The following CIMIP2C variants were observed in gnomAD, a reference collection of about 807,000 sequenced individuals.
CIMIP2C encodes UPF0573 protein C2orf70.
the CIMIP2C span, chr2:26,576,160 T>G: frequency 6.2e-7 from 1 of 1,613,578 alleles, no homozygotes; most frequent in South Asian, 1.1e-5. Flanking sequence ...CCACAGAGCT[T>G]ACGAATTTCT....
the CIMIP2C span, chr2:26,578,949 T>G: frequency 2.9e-5 from 14 of 484,826 alleles, no homozygotes; most frequent in African/African-American, 2.7e-4. Flanking sequence ...GTTTACTCCT[T>G]GTCCAGAGCT....
chr2:26,576,125 C>T, the CIMIP2C span: 15 of 1,614,056 alleles, frequency 9.3e-6, no homozygotes, highest in Admixed American at 8.3e-5. Flanking sequence ...CAGCTACACT[C>T]GCTTCAACCT....
chr2:26,563,306 G>A, the CIMIP2C span, among the ~76,000 whole-genome samples: 4 of 152,224 alleles, frequency 2.6e-5, no homozygotes, highest in Non-Finnish European at 2.9e-5. Context: ...TGCCCTGAGC[G>A]CTGGCTTGCT....
the CIMIP2C span, among the ~76,000 whole-genome samples, chr2:26,565,029 T>TCTTCTTCTTCTC: frequency 2.0e-5 from 3 of 150,752 alleles, no homozygotes; most frequent in African/African-American, 7.4e-5. Flanking sequence ...TTCTTCTTCT[T>TCTTCTTCTTCTC]CTTCTCCTTC....
the CIMIP2C span, among the ~76,000 whole-genome samples, chr2:26,568,096 G>T: frequency 1.3e-5 from 2 of 152,314 alleles, no homozygotes; most frequent in Admixed American, 6.5e-5. Context: ...TCGTTGTTCG[G>T]TTCTCATCTC....
At chr2:26,569,712 C>T in the CIMIP2C span, among the ~76,000 whole-genome samples, 2 of 152,024 alleles carry the variant, frequency 1.3e-5, no homozygotes, top group Admixed American at 6.6e-5. Context: ...CCCAGGGGTC[C>T]GGCTTGGCAC....
chr2:26,573,576 G>A, the CIMIP2C span, among the ~76,000 whole-genome samples: 1 of 152,248 alleles, frequency 6.6e-6, no homozygotes, highest in South Asian at 2.1e-4. Flanking sequence ...AGCGGCCAAG[G>A]TGACCACACA....
the CIMIP2C span, among the ~76,000 whole-genome samples, chr2:26,576,586 G>A: frequency 6.6e-6 from 1 of 152,166 alleles, no homozygotes; most frequent in South Asian, 2.1e-4. Flanking sequence ...ACGAGCAAAG[G>A]CCCCACTACA....
At chr2:26,577,555 G>A in the CIMIP2C span, 1 of 1,614,098 alleles carries the variant, frequency 6.2e-7, no homozygotes, top group Non-Finnish European at 8.5e-7. Context: ...AGACAAGACG[G>A]GCACAGTGCC....
At chr2:26,570,375 G>C in the CIMIP2C span, among the ~76,000 whole-genome samples, 1 of 152,250 alleles carries the variant, frequency 6.6e-6, no homozygotes, top group Non-Finnish European at 1.5e-5. Flanking sequence ...CCAGGGCATG[G>C]TGCCCCCAGA....
chr2:26,576,624 G>A, the CIMIP2C span, among the ~76,000 whole-genome samples: 1 of 152,172 alleles, frequency 6.6e-6, no homozygotes, highest in African/African-American at 2.4e-5. Context: ...CAGCCCCACG[G>A]CATTTATCCA....
At chr2:26,577,656 G>A in the CIMIP2C span, 4 of 1,577,744 alleles carry the variant, frequency 2.5e-6, no homozygotes, top group South Asian at 1.1e-5. Flanking sequence ...CTTCATCTAC[G>A]CAGTCAAGAA....
chr2:26,577,487 C>T, the CIMIP2C span: 1 of 1,597,168 alleles, frequency 6.3e-7, no homozygotes, highest in South Asian at 1.1e-5. Context: ...CACTAACAAC[C>T]TGTCATCTCT....
the CIMIP2C span, among the ~76,000 whole-genome samples, chr2:26,569,134 G>A: frequency 6.6e-6 from 1 of 152,114 alleles, no homozygotes; most frequent in Admixed American, 6.6e-5. Flanking sequence ...CTGGGTCATG[G>A]AGGCTCCATG....
chr2:26,573,794 G>A, the CIMIP2C span, among the ~76,000 whole-genome samples: 1 of 152,202 alleles, frequency 6.6e-6, no homozygotes, highest in Non-Finnish European at 1.5e-5. Flanking sequence ...GGGGGTGCCT[G>A]TGCAGCTGGG....
chr2:26,577,248 C>T, the CIMIP2C span, among the ~76,000 whole-genome samples: 1 of 152,222 alleles, frequency 6.6e-6, no homozygotes, highest in Admixed American at 6.5e-5. Context: ...TCAGTCTGAG[C>T]TTGTCCCTTG....
At chr2:26,566,708 C>T in the CIMIP2C span, among the ~76,000 whole-genome samples, 20 of 152,088 alleles carry the variant, frequency 1.3e-4, no homozygotes, top group Non-Finnish European at 5.9e-5. Context: ...TGACTGTCTC[C>T]TTTGGTTTTA....
At chr2:26,577,132 C>T in the CIMIP2C span, among the ~76,000 whole-genome samples, 1 of 152,212 alleles carries the variant, frequency 6.6e-6, no homozygotes, top group African/African-American at 2.4e-5. Flanking sequence ...ACAGAACATG[C>T]CCCGTACAGT....
chr2:26,570,126 C>T, the CIMIP2C span, among the ~76,000 whole-genome samples: 1 of 152,162 alleles, frequency 6.6e-6, no homozygotes, highest in African/African-American at 2.4e-5. Flanking sequence ...AGGAGGATTG[C>T]GGAGGAGAGG....
Sources: gnomAD v4.1 joint callset for allele counts (sites outside exome capture counted in the v4.1 genomes callset) on GRCh38, gnomAD v4.1.1 for gene constraint, MANE v1.5 for transcripts, NCBI Gene and HGNC (gene_info 2026-07-23, HGNC 2026-07-21) for gene names.